The following CELF2 variants were observed in gnomAD, a reference collection of about 807,000 sequenced individuals.
CELF2 encodes the protein CUGBP Elav-like family member 2.
A neutral mutation model predicts 62.6 loss-of-function variants in CELF2; 8 were observed. That is an observed-to-expected ratio of 0.13 (90% CI 0.07 to 0.23). The LOEUF is 0.23. Ranked by LOEUF, CELF2 falls within the 10% of genes least tolerant of loss-of-function variation. CELF2 has a pLI of 1.00. For missense variants in CELF2, 333 were observed against 671.0 expected (o/e 0.50, Z 5.56); for synonymous variants, 258 against 250.0 (o/e 1.03, Z -0.30).
At position 11,310,375 on chromosome 10, in the gene CELF2, A is replaced by G. The variant is rs527968789; in HGVS notation, c.977-3764A>G. ...CAGAGGAGGGGATTTGTACCAGGGA[A>G]GGGAGCAGGTTGTGGGTTGTGGGTC... On this transcript the variant is annotated intron_variant, in intron 9 of 12. Coordinates refer to ENST00000633077, the MANE Select transcript of CELF2 (RefSeq NM_001326342.2). Among the ~76,000 whole-genome samples the G allele has an allele frequency of 3.3e-5, 5 of 152,324 alleles. No individual in the cohort carries two copies. The East Asian group carries it at 9.6e-4, about 29-fold the overall frequency.
rs756429533 is a variant in CELF2, at chr10:11,311,986, C to T, written c.977-2153C>T. On this transcript the variant is annotated intron_variant, in intron 9 of 12. Coordinates refer to ENST00000633077, the MANE Select transcript of CELF2 (RefSeq NM_001326342.2). The surrounding 1 kb of genome is among the most constrained non-coding windows in gnomAD (Gnocchi z 4.7). The stretch of plus-strand genomic sequence containing the variant: ...CCAAGCAGTGAAAATAAAAATCAAT[C>T]TAAACTTGGAAGCACCATAGTGATA... 6.6e-6 allele frequency among the ~76,000 whole-genome samples: 1 copy of T among 152,166 alleles called. No individual in the cohort carries two copies. The highest frequency in any genetic ancestry group is 1.5e-5 in the Non-Finnish European group (1 of 68,038).
intron 2 of CELF2, among the ~76,000 whole-genome samples, chr10:10,982,468 A>G (rs1033255658): frequency 3.9e-5 from 6 of 152,218 alleles, no homozygotes; most frequent in African/African-American, 1.4e-4. Context: ...AAATTTAGGA[A>G]TCTGGAGATC....
At chr10:10,724,427 G>A in the CELF2 span, among the ~76,000 whole-genome samples, 10 of 151,714 alleles carry the variant, frequency 6.6e-5, no homozygotes, top group South Asian at 4.2e-4. Flanking sequence ...AGGCCAAAGC[G>A]GGCAGATCAT....
At position 11,005,632 on chromosome 10, in the gene CELF2, GGCGGAGGACTGCCGTGAATTCTAT is replaced by G. The variant is rs1433990490; in HGVS notation, c.53+193_53+216del. On this transcript the variant is annotated intron_variant, in intron 1 of 12. Coordinates refer to the CELF2 transcript ENST00000416382. This position sits in a 1 kb window ranked among gnomAD's most constrained non-coding sequence, Gnocchi z 4.3. ...AGAAAGAGAGAGCCAGCGAGAGAAAGGCGGAGGACTGCCGTGAATTCTATTTGTACTAGTTGCCTTTTGAAAGCA... is the reference window on the plus strand; with the variant it reads ...AGAAAGAGAGAGCCAGCGAGAGAAAGTTGTACTAGTTGCCTTTTGAAAGCA... Among the ~76,000 whole-genome samples the G allele has an allele frequency of 6.6e-6, 1 of 152,172 alleles. No individual in the cohort carries two copies. The highest frequency in any genetic ancestry group is 6.5e-5 in the Admixed American group (1 of 15,268).
the CELF2 span, among the ~76,000 whole-genome samples, chr10:10,781,543 G>A: frequency 4.6e-5 from 7 of 152,250 alleles, no homozygotes; most frequent in South Asian, 1.2e-3. Flanking sequence ...AAGACCATCA[G>A]ATCTCATGAG....
intron 1 of CELF2, among the ~76,000 whole-genome samples, chr10:10,833,013 C>CTATGTGTG (rs373885422): frequency 6.9e-6 from 1 of 144,508 alleles, no homozygotes; most frequent in African/African-American, 2.6e-5. Flanking sequence ...ACAGAAAACT[C>CTATGTGTG]TGTGTGTGTG....
At chr10:10,804,649 G>C (rs2055020042) in intron 1 of CELF2, among the ~76,000 whole-genome samples, 1 of 152,360 alleles carries the variant, frequency 6.6e-6, no homozygotes, top group Non-Finnish European at 1.5e-5. Flanking sequence ...CCTTAAAGCT[G>C]TAACGAACTA....
At chr10:10,793,681 T>C (rs2053980392), upstream of CELF2, among the ~76,000 whole-genome samples, 1 of 152,208 alleles carries the variant, frequency 6.6e-6, no homozygotes, top group Non-Finnish European at 1.5e-5. Context: ...GAAATAGGCA[T>C]ATTTTGATCC....
chr10:11,279,062 A>G (rs931845523), intron 8 of CELF2, among the ~76,000 whole-genome samples: 1 of 152,152 alleles, frequency 6.6e-6, no homozygotes, highest in African/African-American at 2.4e-5. Flanking sequence ...GCCTCCCTTC[A>G]TCCTGGAAAA....
intron 1 of CELF2, among the ~76,000 whole-genome samples, chr10:11,040,017 A>G (rs1050057134): frequency 5.9e-5 from 9 of 152,126 alleles, no homozygotes; most frequent in African/African-American, 2.2e-4. Context: ...GAGACTTCCT[A>G]TTTTCAGGGA....
At chr10:10,893,823 C>T (rs140603672) in intron 1 of CELF2, among the ~76,000 whole-genome samples, 61 of 152,154 alleles carry the variant, frequency 4.0e-4, no homozygotes, top group African/African-American at 1.2e-3. Flanking sequence ...AGAACAGCAC[C>T]GAGGGGATGG....
rs988368627 is a variant in CELF2, at chr10:11,306,812, A to G, written c.977-7327A>G. Among the ~76,000 whole-genome samples, 1 of 152,132 alleles carries G rather than the reference A, an allele frequency of 6.6e-6. No homozygotes were observed. The highest frequency in any genetic ancestry group is 6.5e-5 in the Admixed American group (1 of 15,282). ...TAAGAACAGCGTAGTAAGAAGTGAG[A>G]AATTATGTCCAGTTCACTATAGCCA... On this transcript the variant is annotated intron_variant, in intron 9 of 12. Transcript: ENST00000633077. The surrounding 1 kb of genome is among the most constrained non-coding windows in gnomAD (Gnocchi z 4.4).
At chr10:10,836,459 TAAC>T (rs1390251637) in intron 1 of CELF2, among the ~76,000 whole-genome samples, 3 of 152,272 alleles carry the variant, frequency 2.0e-5, no homozygotes, top group African/African-American at 2.4e-5. Context: ...CTGAAGTAGA[TAAC>T]AACAACAACC....
chr10:11,216,228 C>T (rs2063329278), intron 2 of CELF2, among the ~76,000 whole-genome samples: 1 of 152,160 alleles, frequency 6.6e-6, no homozygotes, highest in Admixed American at 6.5e-5. Flanking sequence ...TGTAAAATGA[C>T]AAGGTTTCAA....
chr10:11,246,262 A>G lies in CELF2; in HGVS notation c.355-2891A>G, dbSNP rs186366730. Among the ~76,000 whole-genome samples, 2 of 152,236 alleles carry G rather than the reference A, an allele frequency of 1.3e-5. No homozygotes were observed. Among genetic ancestry groups the G allele is most frequent in the East Asian group, 3.9e-4 (2 of 5,172 alleles). Reference sequence around the variant, plus strand: ...TTCATTTCATTTTTGTGTCCCAGGCATAATGTAGGTGCGCTCACCTCATCT... The same window carrying G: ...TTCATTTCATTTTTGTGTCCCAGGCGTAATGTAGGTGCGCTCACCTCATCT... On this transcript the variant is annotated intron_variant, in intron 3 of 12. Coordinates refer to ENST00000633077, the MANE Select transcript of CELF2 (RefSeq NM_001326342.2). This position sits in a 1 kb window ranked among gnomAD's most constrained non-coding sequence, Gnocchi z 4.6.
At chr10:11,024,516 GC>G (rs1477089430) in intron 1 of CELF2, among the ~76,000 whole-genome samples, 1 of 152,130 alleles carries the variant, frequency 6.6e-6, no homozygotes, top group Non-Finnish European at 1.5e-5. Flanking sequence ...GGGGAGGATC[GC>G]CTGAACCTGG....
intron 8 of CELF2, among the ~76,000 whole-genome samples, chr10:11,278,165 A>G (rs139375443): frequency 6.6e-5 from 10 of 152,362 alleles, no homozygotes; most frequent in African/African-American, 2.4e-4. Flanking sequence ...TGCATGTATA[A>G]AATTGAATGA....
In CELF2 at chr10:11,333,647, T is replaced by C. The variant is rs1382562419; in HGVS notation, c.*4594T>C. 2.6e-5 allele frequency: 4 copies of C among 152,670 alleles called. No individual in the cohort carries two copies. The highest frequency in any genetic ancestry group is 7.2e-5 in the African/African-American group (3 of 41,470). The allele number at this position is 152,670 out of a possible 1,614,324, so 9.5% of individuals were successfully genotyped here. On this transcript the variant is annotated 3_prime_UTR_variant, in exon 13 of 13. Coordinates refer to ENST00000633077, the MANE Select transcript of CELF2 (RefSeq NM_001326342.2). ...TTTGTGCTGTGAGAATTGATGTTTGTAGATTAATAATCATTTTGTTTAGAA... is the reference window on the plus strand; with the variant it reads ...TTTGTGCTGTGAGAATTGATGTTTGCAGATTAATAATCATTTTGTTTAGAA...
At chr10:10,973,725 C>G (rs774145963) in intron 2 of CELF2, among the ~76,000 whole-genome samples, 1 of 152,162 alleles carries the variant, frequency 6.6e-6, no homozygotes, top group Non-Finnish European at 1.5e-5. Context: ...TGCCACCACA[C>G]CTGGCTAATT....
Sources: allele counts gnomAD v4.1 joint callset (sites outside exome capture counted in the v4.1 genomes callset), GRCh38; gene constraint gnomAD v4.1.1; non-coding constraint Gnocchi (gnomAD v3.1); transcripts MANE v1.5; gene names NCBI Gene and HGNC (gene_info 2026-07-23, HGNC 2026-07-21).